SLC26A8: variants seen among roughly 807,000 people sequenced by gnomAD.
SLC26A8 encodes solute carrier family 26 member 8.
In SLC26A8, 70 loss-of-function variants were observed where a neutral mutation model predicts 105.0. The observed-to-expected ratio is 0.67, with a 90% CI of 0.55 to 0.81. The LOEUF is 0.81. Among genes scored for constraint, SLC26A8 ranks in the 40% least tolerant of loss-of-function variants. The probability of loss-of-function intolerance (pLI) is 0.00; values close to 1 mark genes in which losing one functional copy is unlikely to be tolerated. For missense variants in SLC26A8, 998 were observed against 1,181.8 expected, an observed-to-expected ratio of 0.84 and a Z score of 2.28; for synonymous variants, 415 against 438.3, an observed-to-expected ratio of 0.95 and a Z score of 0.66.
At chr6:36,006,555 T>C (rs1453034221) in intron 3 of SLC26A8, among the ~76,000 whole-genome samples, 2 of 152,218 alleles carry the variant, frequency 1.3e-5, no homozygotes, top group African/African-American at 4.8e-5. Context: ...AATTTAGCAA[T>C]GGGATATCCT....
chr6:35,978,841 CTTCT>C (rs1475897121), intron 8 of SLC26A8, among the ~76,000 whole-genome samples: 1 of 138,908 alleles, frequency 7.2e-6, no homozygotes, highest in Non-Finnish European at 1.6e-5. Flanking sequence ...TCTTCTTCTT[CTTCT>C]TTTTTTTTTT....
intron 16 of SLC26A8, among the ~76,000 whole-genome samples, chr6:35,957,693 G>A (rs1172996038): frequency 6.7e-6 from 1 of 149,548 alleles, no homozygotes; most frequent in Non-Finnish European, 1.5e-5. Flanking sequence ...CTGAACTTCC[G>A]CCTCCTGGGT....
intron 1 of SLC26A8, among the ~76,000 whole-genome samples, chr6:36,023,705 G>A (rs1013509661): frequency 3.3e-5 from 5 of 151,950 alleles, no homozygotes; most frequent in Non-Finnish European, 7.4e-5. Flanking sequence ...CTATAATCAC[G>A]GAAAGGCAAA....
chr6:35,961,159 A>G, intron 12 of SLC26A8, 60 bp from the exon 13 acceptor site: 2 of 1,363,582 alleles, frequency 1.5e-6, no homozygotes, highest in Admixed American at 1.7e-5. Context: ...TGAGAAAATG[A>G]TCAGTCCTGT....
chr6:35,984,348 G>T (rs1297883462), intron 7 of SLC26A8, among the ~76,000 whole-genome samples: 22 of 122,184 alleles, frequency 1.8e-4, no homozygotes, highest in Non-Finnish European at 2.8e-4. Context: ...TTGAGACAGA[G>T]TCTTTGCTCT....
intron 3 of SLC26A8, among the ~76,000 whole-genome samples, chr6:36,006,140 A>G (rs572488344): frequency 6.6e-6 from 1 of 151,554 alleles, no homozygotes; most frequent in South Asian, 2.1e-4. Context: ...TTTTTTTTCC[A>G]ATGGAGTCTC....
chr6:35,997,848 C>A lies in SLC26A8; in HGVS notation c.517G>T (p.Val173Phe). The stretch of plus-strand genomic sequence containing the variant: ...TCATTCTTGACGAAAGATCCCATGA[C>A]CAGTTGACCGTTGTTGAATGGGCTC... ...KVSPFNNGQL[V>F]MGSFVKNEFS... The change falls in exon 5 of 20, where the codon GTC (valine) becomes TTC (phenylalanine). Residue 173 changes from valine to phenylalanine, a missense_variant. Coordinates refer to ENST00000490799, the MANE Select transcript of SLC26A8 (RefSeq NM_052961.4). The A allele has an allele frequency of 6.2e-7, 1 of 1,614,092 alleles. No individual in the cohort carries two copies. The highest frequency in any genetic ancestry group is 8.5e-7 in the Non-Finnish European group (1 of 1,180,002).
intron 11 of SLC26A8, among the ~76,000 whole-genome samples, chr6:35,967,533 A>T (rs1772565029): frequency 6.6e-6 from 1 of 152,232 alleles, no homozygotes; most frequent in Admixed American, 6.5e-5. Flanking sequence ...CAAAGGGAAG[A>T]ATGACACATT....
chr6:36,024,112 T>G (rs1762197823), intron 1 of SLC26A8, among the ~76,000 whole-genome samples: 1 of 151,546 alleles, frequency 6.6e-6, no homozygotes, highest in Non-Finnish European at 1.5e-5. Context: ...GGAACAAAAT[T>G]AACAAAAGCA....
At chr6:35,975,309 T>C in intron 10 of SLC26A8, 66 bp downstream of exon 10, 3 of 856,080 alleles carry the variant, frequency 3.5e-6, no homozygotes, top group Non-Finnish European at 5.4e-6. Flanking sequence ...TTCCCTACTC[T>C]GAATATACAT....
At chr6:36,021,559 A>G (rs1416185734) in intron 1 of SLC26A8, among the ~76,000 whole-genome samples, 1 of 152,136 alleles carries the variant, frequency 6.6e-6, no homozygotes, top group Non-Finnish European at 1.5e-5. Flanking sequence ...TAGGCAAAAT[A>G]TGACCGTCAA....
intron 10 of SLC26A8, among the ~76,000 whole-genome samples, chr6:35,972,687 G>T (rs1443813763): frequency 6.6e-6 from 1 of 152,222 alleles, no homozygotes; most frequent in African/African-American, 2.4e-5. Context: ...GTCACTGGCA[G>T]AACTGTGCTG....
chr6:35,997,993 G>T, intron 4 of SLC26A8, 74 bp from the exon 5 acceptor site: 1 of 1,384,406 alleles, frequency 7.2e-7, no homozygotes. Context: ...AGCAAGGTAT[G>T]GTTGAATTCT....
chr6:35,976,514 T>C (rs932322393), intron 9 of SLC26A8, among the ~76,000 whole-genome samples: 2 of 150,842 alleles, frequency 1.3e-5, no homozygotes, highest in Admixed American at 6.6e-5. Flanking sequence ...AAAAACTATT[T>C]CTGGGAGGCC....
At chr6:35,997,973 T>TA (rs1761404617) in intron 4 of SLC26A8, 54 bp from the exon 5 acceptor site, 1 of 1,534,886 alleles carries the variant, frequency 6.5e-7, no homozygotes, top group African/African-American at 1.4e-5. Context: ...GGTAAACTGA[T>TA]ATTGACAAAA....
At chr6:35,970,982 C>T (rs771345894) in intron 10 of SLC26A8, among the ~76,000 whole-genome samples, 67 of 152,094 alleles carry the variant, frequency 4.4e-4, no homozygotes, top group South Asian at 1.0e-3. Flanking sequence ...GCCAAGACCT[C>T]GCCAATGCAC....
chr6:35,955,529 A>G lies in SLC26A8; in HGVS notation c.1864-9T>C, dbSNP rs764097639. On this transcript the variant is annotated splice_polypyrimidine_tract_variant and intron_variant, in intron 16 of 19. Transcript: ENST00000490799. ...CGCTCTGTGTAAAGAATCTGGGACGACAGAGTTAAGGGAGGGCTGTGGTAA... is the reference window on the plus strand; with the variant it reads ...CGCTCTGTGTAAAGAATCTGGGACGGCAGAGTTAAGGGAGGGCTGTGGTAA... 8 of 1,612,490 alleles carry G rather than the reference A, an allele frequency of 5.0e-6. No homozygotes were observed. Among genetic ancestry groups the G allele is most frequent in the African/African-American group, 1.3e-5 (1 of 75,032 alleles).
At chr6:35,998,851 C>T (rs1761437986) in intron 4 of SLC26A8, among the ~76,000 whole-genome samples, 1 of 152,096 alleles carries the variant, frequency 6.6e-6, no homozygotes, top group Admixed American at 6.6e-5. Flanking sequence ...AAAATCAACA[C>T]ATAGCAGATT....
intron 11 of SLC26A8, among the ~76,000 whole-genome samples, chr6:35,963,371 AT>A (rs1562026376): frequency 6.6e-6 from 1 of 152,170 alleles, no homozygotes; most frequent in African/African-American, 2.4e-5. Flanking sequence ...CATCTCTGGA[AT>A]GCTGTGCTGA....
Sources: allele counts gnomAD v4.1 joint callset (sites outside exome capture counted in the v4.1 genomes callset), GRCh38; gene constraint gnomAD v4.1.1; transcripts MANE v1.5; gene names NCBI Gene and HGNC (gene_info 2026-07-23, HGNC 2026-07-21).